The following GRM8 variants were observed in gnomAD, a reference collection of about 807,000 sequenced individuals.
GRM8 encodes metabotropic glutamate receptor 8.
Under a neutral mutation model 87.2 loss-of-function variants are expected in GRM8, and 47 were observed. That is an observed-to-expected ratio of 0.54 (90% CI 0.43 to 0.69). GRM8 has a LOEUF of 0.69. Among genes scored for constraint, GRM8 ranks in the 30% least tolerant of loss-of-function variants. The pLI, the probability that GRM8 is intolerant of heterozygous loss-of-function variation, is 0.00. For missense variants in GRM8, 1,019 were observed against 1,139.2 expected (o/e 0.89, Z 1.52); for synonymous variants, 396 against 404.5 (o/e 0.98, Z 0.25).
intron 3 of GRM8, among the ~76,000 whole-genome samples, chr7:127,013,144 C>G (rs1157076173): frequency 6.6e-6 from 1 of 152,122 alleles, no homozygotes; most frequent in Non-Finnish European, 1.5e-5. Context: ...ACCCTGATAT[C>G]CCTATAAACA....
chr7:127,090,860 T>G (rs1478096928), intron 3 of GRM8: 1 of 152,198 alleles, frequency 6.6e-6, no homozygotes, highest in Non-Finnish European at 1.5e-5. Context: ...CCATCTGACT[T>G]TCTCCAAGCT....
chr7:126,797,667 T>C lies in GRM8; in HGVS notation c.1157-27602A>G, dbSNP rs541811255. 4.5e-4 allele frequency among the ~76,000 whole-genome samples: 69 copies of C among 152,262 alleles called. 3 individuals carry two copies. Among genetic ancestry groups the C allele is most frequent in the Admixed American group, 3.3e-3 (51 of 15,288 alleles). On this transcript the variant is annotated intron_variant, in intron 6 of 10. Transcript: ENST00000339582. ...AGTCTATCAAGCATGGATTTATTCA[T>C]GATTTTTGACCTTAAAAACTTTAGG...
intron 9 of GRM8, among the ~76,000 whole-genome samples, chr7:126,491,747 A>G (rs547365464): frequency 6.6e-6 from 1 of 152,230 alleles, no homozygotes; most frequent in Admixed American, 6.5e-5. Context: ...TGAAAGAATA[A>G]ATGAGATAAT....
chr7:126,938,440 T>A (rs1389316685), intron 3 of GRM8, among the ~76,000 whole-genome samples: 1 of 152,178 alleles, frequency 6.6e-6, no homozygotes, highest in African/African-American at 2.4e-5. Flanking sequence ...CCCTAATTAA[T>A]ATAGGAGAAA....
intron 8 of GRM8, among the ~76,000 whole-genome samples, chr7:126,586,012 T>C (rs1481157040): frequency 6.6e-6 from 1 of 151,916 alleles, no homozygotes; most frequent in East Asian, 1.9e-4. Context: ...TGTGCAAAAA[T>C]CACAAGCATT....
At chr7:126,716,788 G>C (rs1811793981) in intron 7 of GRM8, among the ~76,000 whole-genome samples, 2 of 152,158 alleles carry the variant, frequency 1.3e-5, no homozygotes, top group Admixed American at 1.3e-4. Context: ...TCGGTGAGGA[G>C]AGAGAAAATG....
chr7:126,783,183 C>G (rs1016312447), intron 6 of GRM8, among the ~76,000 whole-genome samples: 4 of 152,116 alleles, frequency 2.6e-5, no homozygotes, highest in African/African-American at 9.7e-5. Flanking sequence ...TATTTTCTCC[C>G]CCAATGATCT....
chr7:127,235,717 G>T (rs1797946157), intron 2 of GRM8, among the ~76,000 whole-genome samples: 1 of 152,108 alleles, frequency 6.6e-6, no homozygotes, highest in Admixed American at 6.5e-5. Flanking sequence ...CCAATGCAGG[G>T]CTCTACACCA....
At chr7:127,031,278 A>G (rs1217535845) in intron 3 of GRM8, among the ~76,000 whole-genome samples, 1 of 152,104 alleles carries the variant, frequency 6.6e-6, no homozygotes, top group Admixed American at 6.6e-5. Flanking sequence ...TTGTTTCAGT[A>G]TCTAGAGGCT....
At chr7:126,871,978 A>C (rs1799138210) in intron 6 of GRM8, among the ~76,000 whole-genome samples, 1 of 152,134 alleles carries the variant, frequency 6.6e-6, no homozygotes, top group Non-Finnish European at 1.5e-5. Context: ...GGTTCTAAAC[A>C]TCCTTTATAT....
At chr7:126,847,221 T>C (rs143116155) in intron 6 of GRM8, among the ~76,000 whole-genome samples, 21 of 152,310 alleles carry the variant, frequency 1.4e-4, no homozygotes, top group African/African-American at 3.8e-4. Context: ...GTTAATCAAT[T>C]TGTTCTTATA....
chr7:126,720,966 A>G (rs1272650088), intron 7 of GRM8, among the ~76,000 whole-genome samples: 1 of 152,194 alleles, frequency 6.6e-6, no homozygotes, highest in Non-Finnish European at 1.5e-5. Flanking sequence ...GCAAACACAG[A>G]GATTAAAGAT....
chr7:127,142,167 G>C (rs562993951), intron 2 of GRM8, among the ~76,000 whole-genome samples: 2 of 151,844 alleles, frequency 1.3e-5, no homozygotes, highest in African/African-American at 4.8e-5. Flanking sequence ...TTGTAGAGAT[G>C]GGGTCTCACT....
At chr7:126,776,314 A>C (rs1222882205) in intron 6 of GRM8, among the ~76,000 whole-genome samples, 1 of 152,136 alleles carries the variant, frequency 6.6e-6, no homozygotes, top group Non-Finnish European at 1.5e-5. Context: ...AATTGACAGA[A>C]TCTAACTATC....
intron 6 of GRM8, among the ~76,000 whole-genome samples, chr7:126,795,651 T>C (rs1303077317): frequency 6.6e-6 from 1 of 152,140 alleles, no homozygotes; most frequent in Non-Finnish European, 1.5e-5. Context: ...AGCGTTCACC[T>C]GGCAGCAGAA....
chr7:126,761,102 G>A (rs1237401963), intron 7 of GRM8, among the ~76,000 whole-genome samples: 5 of 152,018 alleles, frequency 3.3e-5, no homozygotes, highest in African/African-American at 4.8e-5. Context: ...GGACGCTGAG[G>A]AAAGAGAATT....
intron 2 of GRM8, among the ~76,000 whole-genome samples, chr7:127,224,360 G>T (rs374725895): frequency 4.6e-5 from 7 of 152,128 alleles, no homozygotes; most frequent in Non-Finnish European, 8.8e-5. Context: ...AGAGGATTTC[G>T]CAAAATAAAC....
chr7:126,469,735 C>G (rs1804936982), intron 9 of GRM8, among the ~76,000 whole-genome samples: 1 of 152,150 alleles, frequency 6.6e-6, no homozygotes, highest in Admixed American at 6.6e-5. Flanking sequence ...GTCAATTAAA[C>G]CTCTTCCATT....
chr7:126,934,402 A>C (rs1457520694), intron 3 of GRM8, among the ~76,000 whole-genome samples: 1 of 152,216 alleles, frequency 6.6e-6, no homozygotes, highest in East Asian at 1.9e-4. Context: ...CACAGAGTTA[A>C]AAATGAACAT....
Sources: allele counts gnomAD v4.1 joint callset (sites outside exome capture counted in the v4.1 genomes callset), GRCh38; gene constraint gnomAD v4.1.1; transcripts MANE v1.5; gene names NCBI Gene and HGNC (gene_info 2026-07-23, HGNC 2026-07-21).